Variants in CDH6 observed in about 807,000 individuals in gnomAD.
The protein encoded by CDH6 is cadherin-6.
In CDH6, 31 loss-of-function variants were observed where a neutral mutation model predicts 78.0. The observed-to-expected ratio is 0.40, with a 90% confidence interval of 0.30 to 0.54. The LOEUF (loss-of-function observed/expected upper bound fraction) is 0.54. Among genes scored for constraint, CDH6 ranks in the 20% least tolerant of loss-of-function variants. The probability of loss-of-function intolerance (pLI) is 0.56; values close to 1 mark genes in which losing one functional copy is unlikely to be tolerated. For missense variants in CDH6, 724 were observed against 975.9 expected (o/e 0.74, Z 3.44); for synonymous variants, 376 against 368.8 (o/e 1.02, Z -0.23).
rs1738640637 is a variant in CDH6, at chr5:31,327,116, A to G, written c.*3808A>G. The G allele has an allele frequency of 5.4e-6, 1 of 183,982 alleles. No homozygotes were observed. The allele number at this position is 183,982 out of a possible 1,614,324, so 11.4% of individuals were successfully genotyped here. Reference sequence around the variant, plus strand: ...TAAGTGTCCTGATTGGCTGAACAATATCTCACATCAAATGCTTTGCCTGGA... The same window carrying G: ...TAAGTGTCCTGATTGGCTGAACAATGTCTCACATCAAATGCTTTGCCTGGA... On this transcript the variant is annotated 3_prime_UTR_variant, in exon 12 of 12. Coordinates refer to ENST00000265071, the MANE Select transcript of CDH6 (RefSeq NM_004932.4).
intron 1 of CDH6, among the ~76,000 whole-genome samples, chr5:31,261,764 T>G (rs1360347138): frequency 6.6e-6 from 1 of 152,152 alleles, no homozygotes; most frequent in Non-Finnish European, 1.5e-5. Context: ...AGTCTAAATT[T>G]TAAAACTTGA....
At chr5:31,276,308 T>C (rs1414796584) in intron 2 of CDH6, among the ~76,000 whole-genome samples, 1 of 152,158 alleles carries the variant, frequency 6.6e-6, no homozygotes, top group African/African-American at 2.4e-5. Context: ...AATTTGAAAT[T>C]ATGTGACCTG....
intron 1 of CDH6, among the ~76,000 whole-genome samples, chr5:31,264,645 C>T (rs905050573): frequency 6.6e-6 from 1 of 152,062 alleles, no homozygotes; most frequent in Non-Finnish European, 1.5e-5. Flanking sequence ...AAATCTATCC[C>T]TCTAAAAAAC....
chr5:31,305,058 A>G lies in CDH6; in HGVS notation c.1000-116A>G, dbSNP rs1737940203. On this transcript the variant is annotated intron_variant, in intron 6 of 11. Transcript: ENST00000265071. ...AATATCACACAAATGTGTTTCTCTA[A>G]GCAATATGATCGCATTCATTTATCA... is the stretch of plus-strand genomic sequence containing the variant. 5.8e-6 allele frequency: 6 copies of G among 1,036,074 alleles called. No homozygotes were observed. The Admixed American group carries it at 9.2e-5, about 16-fold the overall frequency. The allele number at this position is 1,036,074 out of a possible 1,614,324, so 64.2% of individuals were successfully genotyped here.
At chr5:31,297,500 G>T in intron 4 of CDH6, 92 bp downstream of exon 4, 2 of 958,208 alleles carry the variant, frequency 2.1e-6, no homozygotes, top group Non-Finnish European at 1.5e-6. Context: ...TAATCAATGT[G>T]ATTGGATTTT....
At chr5:31,247,743 T>C (rs1295516696) in intron 1 of CDH6, among the ~76,000 whole-genome samples, 1 of 152,242 alleles carries the variant, frequency 6.6e-6, no homozygotes, top group African/African-American at 2.4e-5. Flanking sequence ...AGTGGTAGCA[T>C]CAGAACACAT....
intron 2 of CDH6, among the ~76,000 whole-genome samples, chr5:31,291,192 G>A (rs184563421): frequency 7.9e-5 from 12 of 152,162 alleles, no homozygotes; most frequent in South Asian, 2.1e-4. Flanking sequence ...ATTGCCCCCC[G>A]CCGCCCAGTT....
chr5:31,205,911 TGTTCACA>T (rs1339423540), intron 1 of CDH6, among the ~76,000 whole-genome samples: 1 of 152,236 alleles, frequency 6.6e-6, no homozygotes, highest in Non-Finnish European at 1.5e-5. Flanking sequence ...ATGAGTTTAA[TGTTCACA>T]ACAAGACTTT....
intron 2 of CDH6, among the ~76,000 whole-genome samples, chr5:31,290,297 A>G (rs956374749): frequency 9.9e-5 from 15 of 152,134 alleles, no homozygotes; most frequent in African/African-American, 3.6e-4. Context: ...AACAGAGGAA[A>G]CAGACAAAGA....
rs552290464 is a variant in CDH6, at chr5:31,233,272, C to T, written c.-128-34074C>T. Reference sequence around the variant, plus strand: ...GCTAAAAGAGAAGAGAGATAAATTACAAACATTTTAATCAAAGCTTTAAAA... The same window carrying T: ...GCTAAAAGAGAAGAGAGATAAATTATAAACATTTTAATCAAAGCTTTAAAA... On this transcript the variant is annotated intron_variant, in intron 1 of 11. Transcript: ENST00000265071. Among the ~76,000 whole-genome samples the T allele has an allele frequency of 2.1e-4, 32 of 151,274 alleles. No homozygotes were observed. The South Asian group carries it at 5.0e-3, about 24-fold the overall frequency.
intron 1 of CDH6, among the ~76,000 whole-genome samples, chr5:31,195,222 G>A (rs1217754017): frequency 6.6e-6 from 1 of 152,182 alleles, no homozygotes; most frequent in African/African-American, 2.4e-5. Context: ...AATGTTGCAG[G>A]AGTGGCTGTT....
intron 2 of CDH6, 39 bp from the exon 3 acceptor site, chr5:31,293,923 T>C: frequency 7.1e-7 from 1 of 1,409,360 alleles, no homozygotes; most frequent in Non-Finnish European, 9.7e-7. Flanking sequence ...AACCACATGC[T>C]TGACTTTTAC....
chr5:31,286,225 C>A (rs1366775418), intron 2 of CDH6, among the ~76,000 whole-genome samples: 3 of 152,144 alleles, frequency 2.0e-5, no homozygotes, highest in Admixed American at 1.3e-4. Flanking sequence ...AGGTTTGGTG[C>A]CTTCCTTTAT....
intron 7 of CDH6, among the ~76,000 whole-genome samples, chr5:31,312,780 C>T (rs1298501731): frequency 6.6e-6 from 1 of 152,172 alleles, no homozygotes; most frequent in African/African-American, 2.4e-5. Context: ...TCACAGCCTT[C>T]TTCTGCAGTC....
At chr5:31,299,805 T>C (rs1205776607) in intron 5 of CDH6, among the ~76,000 whole-genome samples, 174 bp downstream of exon 5, 1 of 152,244 alleles carries the variant, frequency 6.6e-6, no homozygotes, top group Non-Finnish European at 1.5e-5. Flanking sequence ...AATGTGAACA[T>C]TTATGTTCCT....
At chr5:31,203,038 C>A (rs928700292) in intron 1 of CDH6, among the ~76,000 whole-genome samples, 2 of 151,820 alleles carry the variant, frequency 1.3e-5, no homozygotes, top group African/African-American at 4.8e-5. Context: ...CCAAGTTCAG[C>A]GACTTTTCTC....
chr5:31,228,342 C>T (rs1003574768), intron 1 of CDH6, among the ~76,000 whole-genome samples: 1 of 152,148 alleles, frequency 6.6e-6, no homozygotes, highest in African/African-American at 2.4e-5. Flanking sequence ...GGGACGTGGG[C>T]ATATTTGGAA....
intron 8 of CDH6, among the ~76,000 whole-genome samples, chr5:31,314,147 C>CT (rs1194835364): frequency 2.0e-5 from 3 of 152,010 alleles, no homozygotes; most frequent in African/African-American, 4.8e-5. Context: ...GAAAAATGAT[C>CT]TTTTTTTAAT....
At chr5:31,235,005 G>A (rs1454886997) in intron 1 of CDH6, among the ~76,000 whole-genome samples, 1 of 152,066 alleles carries the variant, frequency 6.6e-6, no homozygotes, top group Non-Finnish European at 1.5e-5. Flanking sequence ...GTGGGGGTGA[G>A]GGAGTTTGCC....
Sources: gnomAD v4.1 joint callset for allele counts (sites outside exome capture counted in the v4.1 genomes callset) on GRCh38, gnomAD v4.1.1 for gene constraint, MANE v1.5 for transcripts, NCBI Gene and HGNC (gene_info 2026-07-23, HGNC 2026-07-21) for gene names.